AUH: variants seen among roughly 807,000 people sequenced by gnomAD.
The protein encoded by AUH is methylglutaconyl-CoA hydratase, mitochondrial.
A neutral mutation model predicts 42.3 loss-of-function variants in AUH; 29 were observed. The ratio of observed to expected loss-of-function variants is 0.69; its 90% CI spans 0.51 to 0.93. AUH has a LOEUF of 0.93. AUH is among the 40% of genes least tolerant of loss of function. AUH has a pLI of 0.00. For missense variants in AUH, 452 were observed against 438.1 expected, an observed-to-expected ratio of 1.03 and a Z score of -0.28; for synonymous variants, 174 against 166.4, an observed-to-expected ratio of 1.05 and a Z score of -0.35.
intron 6 of AUH, among the ~76,000 whole-genome samples, chr9:91,247,629 C>G (rs867581954): frequency 6.6e-6 from 1 of 152,176 alleles, no homozygotes; most frequent in Non-Finnish European, 1.5e-5. Context: ...AATTAGTGAC[C>G]AATAATGCTA....
chr9:91,284,182 T>C (rs1391100517), intron 6 of AUH, among the ~76,000 whole-genome samples: 1 of 152,080 alleles, frequency 6.6e-6, no homozygotes, highest in Admixed American at 6.5e-5. Flanking sequence ...ATCTGATCTT[T>C]GACAAACCTG....
At chr9:91,258,359 C>T (rs1056281072) in intron 6 of AUH, among the ~76,000 whole-genome samples, 2 of 152,166 alleles carry the variant, frequency 1.3e-5, no homozygotes, top group African/African-American at 4.8e-5. Context: ...CCCCAACCTC[C>T]CAAGTAGCTG....
chr9:91,268,026 T>C (rs1042524226), intron 6 of AUH, among the ~76,000 whole-genome samples: 5 of 151,986 alleles, frequency 3.3e-5, no homozygotes, highest in Non-Finnish European at 7.4e-5. Flanking sequence ...ATACATTAAC[T>C]CCAGATGACC....
rs369714340 is a variant in AUH at position 91,325,412 on chromosome 9, G to A, written c.419-8C>T. On this transcript the variant is annotated splice_polypyrimidine_tract_variant and splice_region_variant and intron_variant, in intron 3 of 9. Transcript: ENST00000375731. ...TTTCCTTAAGGTCAGCACCTGCAAA[G>A]TATTTTATTTACAAATATAATCTAG... The A allele has an allele frequency of 1.2e-6, 2 of 1,612,394 alleles. No individual in the cohort carries two copies. Among genetic ancestry groups the A allele is most frequent in the Non-Finnish European group, 1.7e-6 (2 of 1,178,692 alleles).
rs78710874 is a variant in AUH at position 91,340,610 on chromosome 9, T to C, written c.419-15206A>G. Among the ~76,000 whole-genome samples, 519 of 152,288 alleles carry C rather than the reference T, an allele frequency of 3.4e-3. 3 individuals are homozygous for C. The highest frequency in any genetic ancestry group is 5.8e-3 in the Non-Finnish European group (393 of 68,020). Reference sequence around the variant, plus strand: ...GCATTCACCCAAATGACACTATCACTGAACAAAATACTTCTCAAACTATGA... The same window carrying C: ...GCATTCACCCAAATGACACTATCACCGAACAAAATACTTCTCAAACTATGA... On this transcript the variant is annotated intron_variant, in intron 3 of 9. Coordinates refer to ENST00000375731, the MANE Select transcript of AUH (RefSeq NM_001698.3).
At chr9:91,347,223 T>TGTTC (rs1264850177) in intron 3 of AUH, among the ~76,000 whole-genome samples, 1 of 151,692 alleles carries the variant, frequency 6.6e-6, no homozygotes, top group Non-Finnish European at 1.5e-5. Context: ...TTTGTTTGTT[T>TGTTC]GTTTGTTTGT....
chr9:91,278,343 T>C (rs937971853), intron 6 of AUH, among the ~76,000 whole-genome samples: 2 of 152,262 alleles, frequency 1.3e-5, no homozygotes, highest in Admixed American at 1.3e-4. Context: ...CAATTTTACA[T>C]ACGTAGTAAA....
intron 4 of AUH, among the ~76,000 whole-genome samples, chr9:91,324,293 G>A (rs1158953125): frequency 6.6e-6 from 1 of 151,972 alleles, no homozygotes; most frequent in African/African-American, 2.4e-5. Flanking sequence ...GCTTGAGGCA[G>A]GAGTTCAAGA....
At position 91,298,335 on chromosome 9, in the gene AUH, A is replaced by G. The variant is rs565284667; in HGVS notation, c.506-259T>C. On this transcript the variant is annotated intron_variant, in intron 4 of 9. Transcript: ENST00000375731. ...ATATTATTGAATTACTTTCATAAAC[A>G]TTTTTTGTTGAATTAACAGAATCAC... 2.6e-4 allele frequency among the ~76,000 whole-genome samples: 40 copies of G among 152,312 alleles called. No individual in the cohort carries two copies. In the South Asian group the frequency reaches 8.1e-3, roughly 31 times the overall value.
intron 4 of AUH, among the ~76,000 whole-genome samples, chr9:91,308,252 T>A (rs1341891177): frequency 1.3e-5 from 2 of 152,180 alleles, no homozygotes; most frequent in African/African-American, 4.8e-5. Context: ...TCCTAGCTAC[T>A]CAGGAGACTG....
intron 3 of AUH, among the ~76,000 whole-genome samples, chr9:91,329,211 GT>G (rs1344843576): frequency 1.3e-5 from 2 of 151,434 alleles, no homozygotes; most frequent in African/African-American, 4.9e-5. Flanking sequence ...TCACTTACAA[GT>G]TTTTGGTGGA....
Position 91,341,102 on chromosome 9 carries a change from C to T in AUH, c.418+14781G>A, listed in dbSNP as rs116425069. On this transcript the variant is annotated intron_variant, in intron 3 of 9. Transcript: ENST00000375731. ...TTTTGAAGTCTCCCTTTCTAACTGCCGGAGCTCTACTCAAGCTGACCAAAG... is the reference window on the plus strand; with the variant it reads ...TTTTGAAGTCTCCCTTTCTAACTGCTGGAGCTCTACTCAAGCTGACCAAAG... Among the ~76,000 whole-genome samples the T allele has an allele frequency of 4.2e-4, 64 of 152,254 alleles. 1 individual carries two copies. Among genetic ancestry groups the T allele is most frequent in the African/African-American group, 1.4e-3 (57 of 41,546 alleles).
At chr9:91,222,612 T>C (rs983009686) in intron 6 of AUH, among the ~76,000 whole-genome samples, 12 of 152,184 alleles carry the variant, frequency 7.9e-5, no homozygotes, top group African/African-American at 2.7e-4. Flanking sequence ...CTCAGTGTAG[T>C]AAAGATAGGT....
chr9:91,299,219 AAAAC>A (rs942962934), intron 4 of AUH, among the ~76,000 whole-genome samples: 26 of 152,178 alleles, frequency 1.7e-4, no homozygotes, highest in African/African-American at 5.8e-4. Context: ...ACTGTCTCAA[AAAAC>A]AAACAAACAA....
At chr9:91,258,974 T>C (rs563343693) in intron 6 of AUH, among the ~76,000 whole-genome samples, 1 of 152,326 alleles carries the variant, frequency 6.6e-6, no homozygotes, top group South Asian at 2.1e-4. Flanking sequence ...GGGATGCTTG[T>C]CTGTATATAT....
intron 6 of AUH, among the ~76,000 whole-genome samples, chr9:91,236,342 A>G (rs1429957467): frequency 6.6e-6 from 1 of 152,202 alleles, no homozygotes; most frequent in African/African-American, 2.4e-5. Flanking sequence ...AACCGTTGAC[A>G]TTACTGAGCA....
Position 91,354,049 on chromosome 9 carries a change from T to C in AUH, c.418+1834A>G, listed in dbSNP as rs183602310. Among the ~76,000 whole-genome samples, 381 of 151,394 alleles carry C rather than the reference T, an allele frequency of 2.5e-3. 1 individual carries two copies. The highest frequency in any genetic ancestry group is 6.8e-3 in the Middle Eastern group (2 of 292). ...CAGGCGTGGTGGCGGGCATCTGTAA[T>C]CCCAGCTACACGGGAGGGTGAGGCA... On this transcript the variant is annotated intron_variant, in intron 3 of 9. Coordinates refer to ENST00000375731, the MANE Select transcript of AUH (RefSeq NM_001698.3).
chr9:91,292,447 T>A (rs1386302566), intron 6 of AUH, among the ~76,000 whole-genome samples: 1 of 151,868 alleles, frequency 6.6e-6, no homozygotes, highest in Non-Finnish European at 1.5e-5. Context: ...ACTGGCTAAT[T>A]CTTCTATTTT....
intron 4 of AUH, among the ~76,000 whole-genome samples, chr9:91,322,900 G>A (rs867751198): frequency 2.0e-5 from 3 of 152,126 alleles, no homozygotes; most frequent in Non-Finnish European, 2.9e-5. Context: ...ACACAACTCA[G>A]TATAATAAAG....
Sources: gnomAD v4.1 joint callset for allele counts (sites outside exome capture counted in the v4.1 genomes callset) on GRCh38, gnomAD v4.1.1 for gene constraint, MANE v1.5 for transcripts, NCBI Gene and HGNC (gene_info 2026-07-23, HGNC 2026-07-21) for gene names.